ASPHD1: variants seen among roughly 807,000 people sequenced by gnomAD.
ASPHD1 encodes the protein aspartate beta-hydroxylase domain containing 1.
ASPHD1 carries 20 observed loss-of-function variants against 28.3 expected under a neutral mutation model. The observed-to-expected ratio is 0.71, with a 90% CI of 0.50 to 1.03. The LOEUF (loss-of-function observed/expected upper bound fraction) is 1.03, where lower values mean the gene tolerates loss of function less well. ASPHD1 is among the 50% of genes least tolerant of loss of function. The pLI is 0.00. For synonymous variants in ASPHD1, 240 were observed against 221.2 expected (o/e 1.08, Z -0.75); for missense variants, 479 against 524.1 (o/e 0.91, Z 0.84).
downstream of ASPHD1, among the ~76,000 whole-genome samples, chr16:29,909,963 G>C (rs1482581883): frequency 6.6e-6 from 1 of 151,978 alleles, no homozygotes; most frequent in Non-Finnish European, 1.5e-5. Context: ...GCCGGGCATG[G>C]AGGCGGGTGC....
In ASPHD1 at chr16:29,901,480, A is replaced by AT; in HGVS notation, c.509_510insT (p.Gln170HisfsTer156). 1 of 1,518,808 alleles carries AT rather than the reference A, an allele frequency of 6.6e-7. No homozygotes were observed. The allele number at this position is 1,518,808 out of a possible 1,614,324, so 94.1% of individuals were successfully genotyped here. On this transcript the variant is annotated frameshift_variant, in exon 1 of 3. Coordinates refer to ENST00000308748, the MANE Select transcript of ASPHD1 (RefSeq NM_181718.4). LOFTEE classifies it high-confidence loss of function. This position sits in a 1 kb window ranked among gnomAD's most constrained non-coding sequence, Gnocchi z 5.1. ...ATGGGTAGAGTGAGGCGGGCAGCTCAGGGTGGCCCAGGCCCTGGGAGAGGG... is the reference window on the plus strand; with the variant it reads ...ATGGGTAGAGTGAGGCGGGCAGCTCATGGGTGGCCCAGGCCCTGGGAGAGGG...
intron 3 of ASPHD1, among the ~76,000 whole-genome samples, chr16:29,919,193 T>C (rs141943430): frequency 1.2e-3 from 177 of 152,250 alleles, no homozygotes; most frequent in African/African-American, 4.1e-3. Context: ...CCAGGCAAAG[T>C]TGGAAAGCGG....
chr16:29,905,702 G>T, intron 2 of ASPHD1, 86 bp from the exon 3 acceptor site: 1 of 738,288 alleles, frequency 1.4e-6, no homozygotes, highest in African/African-American at 1.8e-5. Context: ...CTTATTTACT[G>T]TTTGCTTTTA....
chr16:29,904,743 C>A, intron 1 of ASPHD1, 109 bp from the exon 2 acceptor site: 2 of 639,458 alleles, frequency 3.1e-6, no homozygotes, highest in Non-Finnish European at 5.4e-6. Flanking sequence ...AGGAGGATGA[C>A]CACAAAACCT....
intron 3 of ASPHD1, chr16:29,911,247 G>A (rs1208614919): frequency 1.7e-6 from 2 of 1,171,234 alleles, no homozygotes; most frequent in East Asian, 2.4e-5. Flanking sequence ...GACGGGCCTG[G>A]ATGCATTCCC....
In ASPHD1 at chr16:29,901,361, A is replaced by C; in HGVS notation, c.390A>C (p.Pro130=). 1 of 1,597,056 alleles carries C rather than the reference A, an allele frequency of 6.3e-7. No individual in the cohort carries two copies. The highest frequency in any genetic ancestry group is 1.1e-5 in the South Asian group (1 of 89,502). The change falls in exon 1 of 3, where the codon CCA becomes CCC. Residue 130 remains proline (P), a synonymous_variant. Transcript: ENST00000308748. This position sits in a 1 kb window ranked among gnomAD's most constrained non-coding sequence, Gnocchi z 5.1. ...GCTCGGAGGCCGGCGGGCCAAGCCCAGGGGGTCCTGGGGATCCCGGGGAAG... is the reference window on the plus strand; with the variant it reads ...GCTCGGAGGCCGGCGGGCCAAGCCCCGGGGGTCCTGGGGATCCCGGGGAAG... ...VGCSEAGGPS[P]GGPGDPGEGP...
chr16:29,904,039 C>T (rs2068577667), intron 1 of ASPHD1, among the ~76,000 whole-genome samples: 1 of 152,046 alleles, frequency 6.6e-6, no homozygotes, highest in Non-Finnish European at 1.5e-5. Flanking sequence ...GGTGCCGTGG[C>T]TCATCCCTGA....
At chr16:29,902,576 T>C (rs558935122) in intron 1 of ASPHD1, among the ~76,000 whole-genome samples, 11 of 152,346 alleles carry the variant, frequency 7.2e-5, no homozygotes, top group African/African-American at 1.9e-4. Context: ...GGCACGATCT[T>C]GGCTCACTGC....
chr16:29,906,125 C>A, downstream of ASPHD1: 1 of 354,432 alleles, frequency 2.8e-6, no homozygotes. Context: ...TACAACCAAA[C>A]AGGTACCTCC....
At chr16:29,903,210 G>T (rs1030025470) in intron 1 of ASPHD1, among the ~76,000 whole-genome samples, 4 of 151,802 alleles carry the variant, frequency 2.6e-5, no homozygotes, top group Non-Finnish European at 5.9e-5. Flanking sequence ...CAGAAAATTA[G>T]CTGGGTGTGG....
rs1567434411 is a variant in ASPHD1 at position 29,901,165 on chromosome 16, C to T, written c.194C>T (p.Ser65Phe). ...EDAPGLLARA[S>F]LIMLPWPLPL... ...GCCCCAGGCCTCTTGGCCAGGGCCT[C>T]CCTGATCATGCTCCCGTGGCCACTA... Residue 65 changes from serine (S) to phenylalanine (F), a missense_variant, in exon 1 of 3, where the codon TCC becomes TTC. Physicochemically the swap from Ser to Phe is radical, Grantham distance 155. Transcript: ENST00000308748. The surrounding 1 kb of genome is among the most constrained non-coding windows in gnomAD (Gnocchi z 5.1). The T allele has an allele frequency of 8.7e-6, 14 of 1,612,412 alleles. No individual in the cohort carries two copies. Among genetic ancestry groups the T allele is most frequent in the African/African-American group, 1.3e-5 (1 of 74,832 alleles).
chr16:29,907,824 C>T (rs578164033), downstream of ASPHD1, among the ~76,000 whole-genome samples: 19 of 151,634 alleles, frequency 1.3e-4, no homozygotes, highest in South Asian at 4.2e-4. Flanking sequence ...AATATAAATG[C>T]AGTCAAATGA....
At position 29,905,916 on chromosome 16, in the gene ASPHD1, C is replaced by G. The variant is rs370811909; in HGVS notation, c.*19C>G. 2 of 1,580,522 alleles carry G rather than the reference C, an allele frequency of 1.3e-6. No individual in the cohort carries two copies. The highest frequency in any genetic ancestry group is 1.7e-6 in the Non-Finnish European group (2 of 1,153,444). On this transcript the variant is annotated 3_prime_UTR_variant, in exon 3 of 3. Transcript: ENST00000308748. ...CCCTTGAAGGAAGGTGCTCCCTTCACACACCCAGGCTGGAGAGACACTGCG... is the reference window on the plus strand; with the variant it reads ...CCCTTGAAGGAAGGTGCTCCCTTCAGACACCCAGGCTGGAGAGACACTGCG...
chr16:29,901,825 A>C lies in ASPHD1; in HGVS notation c.854A>C (p.Asn285Thr), dbSNP rs2068553193. Residue 285 changes from asparagine (N) to threonine (T), a missense_variant, in exon 1 of 3, where the codon AAC becomes ACC. By Grantham distance (65) the Asn-to-Thr change is moderately conservative. Transcript: ENST00000308748. This position sits in a 1 kb window ranked among gnomAD's most constrained non-coding sequence, Gnocchi z 5.1. The part of the protein sequence containing the change: ...LRGLRSFMSA[N>T]TFGNAGFSVL... ...GGGCTTCGAAGCTTTATGAGTGCCA[A>C]CACCTTCGGCAATGCCGGCTTTTCC... 1 of 1,556,238 alleles carries C rather than the reference A, an allele frequency of 6.4e-7. No individual in the cohort carries two copies. Among genetic ancestry groups the C allele is most frequent in the South Asian group, 1.2e-5 (1 of 83,586 alleles).
chr16:29,917,648 G>A (rs1384188891), intron 3 of ASPHD1, among the ~76,000 whole-genome samples: 1 of 152,072 alleles, frequency 6.6e-6, no homozygotes, highest in African/African-American at 2.4e-5. Flanking sequence ...GCATGGTGGT[G>A]CACGCCTGTA....
chr16:29,913,768 C>T (rs2068759065), intron 3 of ASPHD1: 1 of 152,190 alleles, frequency 6.6e-6, no homozygotes, highest in Non-Finnish European at 1.5e-5. Context: ...TGAGTATCCT[C>T]GCAGCATGGC....
At position 29,901,578 on chromosome 16, in the gene ASPHD1, CGGGACGCCCAGCGGCA is replaced by C; in HGVS notation, c.608_623del (p.Arg203ProfsTer20). ...CCTGCCTTCAGCCCCCTTTGTGCCGCGGGACGCCCAGCGGCACGACGTGGAGCTCCTGGAGAGCAGC... is the reference window on the plus strand; with the variant it reads ...CCTGCCTTCAGCCCCCTTTGTGCCGCCGACGTGGAGCTCCTGGAGAGCAGC... On this transcript the variant is annotated frameshift_variant, in exon 1 of 3. Transcript: ENST00000308748. LOFTEE classifies it high-confidence loss of function. The surrounding 1 kb of genome is among the most constrained non-coding windows in gnomAD (Gnocchi z 5.1). 2 of 1,543,586 alleles carry C rather than the reference CGGGACGCCCAGCGGCA, an allele frequency of 1.3e-6. No homozygotes were observed. Among genetic ancestry groups the C allele is most frequent in the Non-Finnish European group, 1.7e-6 (2 of 1,153,172 alleles).
chr16:29,901,987 G>A lies in ASPHD1; in HGVS notation c.949+67G>A, dbSNP rs145425842. 3.0e-3 allele frequency: 3,843 copies of A among 1,270,766 alleles called. 13 individuals carry two copies. The highest frequency in any genetic ancestry group is 3.6e-3 in the Non-Finnish European group (3,478 of 969,950). 78.7% of individuals were successfully genotyped at this position (1,270,766 alleles called of 1,614,324 possible). A position where few individuals can be genotyped will look rare whatever the true frequency, so the allele number is the denominator to read the frequency against. ...ATTTCCCCCCCAGACCCTTCTCTCC[G>A]CCAGAGCCGTCTGCTGTCTGGTTCT... On this transcript the variant is annotated intron_variant, in intron 1 of 2. Coordinates refer to ENST00000308748, the MANE Select transcript of ASPHD1 (RefSeq NM_181718.4). The surrounding 1 kb of genome is among the most constrained non-coding windows in gnomAD (Gnocchi z 5.1).
chr16:29,900,756 C>T lies in ASPHD1; in HGVS notation c.-216C>T, dbSNP rs950781469. ...GTCCAGGCAGGGTAGGAACCGCTGC[C>T]CAGGGGAGCTAGGAGGAAGCGGGGA... On this transcript the variant is annotated 5_prime_UTR_variant, in exon 1 of 3. Coordinates refer to ENST00000308748, the MANE Select transcript of ASPHD1 (RefSeq NM_181718.4). 26 of 597,372 alleles carry T rather than the reference C, an allele frequency of 4.4e-5. No individual in the cohort carries two copies. The highest frequency in any genetic ancestry group is 7.4e-5 in the Non-Finnish European group (25 of 338,940). The allele number at this position is 597,372 out of a possible 1,614,324, so 37.0% of individuals were successfully genotyped here.
Sources: allele counts gnomAD v4.1 joint callset (sites outside exome capture counted in the v4.1 genomes callset), GRCh38; gene constraint gnomAD v4.1.1; non-coding constraint Gnocchi (gnomAD v3.1); transcripts MANE v1.5; gene names NCBI Gene and HGNC (gene_info 2026-07-23, HGNC 2026-07-21).